The following TRIP12 variants were observed in gnomAD, a reference collection of about 807,000 sequenced individuals.
TRIP12 encodes E3 ubiquitin-protein ligase TRIP12.
Under a neutral mutation model 244.2 loss-of-function variants are expected in TRIP12, and 25 were observed. That is an observed-to-expected ratio of 0.10 (90% CI 0.07 to 0.14). TRIP12 has a LOEUF of 0.14. Ranked by LOEUF, TRIP12 falls within the 10% of genes least tolerant of loss-of-function variation. The pLI, the probability that TRIP12 is intolerant of heterozygous loss-of-function variation, is 1.00. For synonymous variants in TRIP12, 905 were observed against 873.1 expected (o/e 1.04, Z -0.64); for missense variants, 1,677 against 2,486.4 (o/e 0.67, Z 6.92).
chr2:229,797,775 A>G lies in TRIP12; in HGVS notation c.3539T>C (p.Phe1180Ser). Residue 1180 changes from phenylalanine (F) to serine (S), a missense_variant, in exon 24 of 42, where the codon TTC becomes TCC. Physicochemically the swap from Phe to Ser is radical, Grantham distance 155. Coordinates refer to ENST00000675903, the MANE Select transcript of TRIP12 (RefSeq NM_001348323.3). Reference sequence around the variant, plus strand: ...GCTTCCATCCATATTCTCAGAACTGAAATAACGTTCTACAAATTTATGTGC... The same window carrying G: ...GCTTCCATCCATATTCTCAGAACTGGAATAACGTTCTACAAATTTATGTGC... ...EQAHKFVERY[F>S]SSENMDGSNP... 6.2e-7 allele frequency: 1 copy of G among 1,614,026 alleles called. No homozygotes were observed. The highest frequency in any genetic ancestry group is 8.5e-7 in the Non-Finnish European group (1 of 1,179,930).
At chr2:229,822,032 T>G (rs998789801) in intron 8 of TRIP12, among the ~76,000 whole-genome samples, 1 of 151,960 alleles carries the variant, frequency 6.6e-6, no homozygotes, top group Non-Finnish European at 1.5e-5. Flanking sequence ...CCCAGATACG[T>G]GGGAGGCTGA....
chr2:229,883,938 A>G (rs1372266971), intron 1 of TRIP12, among the ~76,000 whole-genome samples: 1 of 152,102 alleles, frequency 6.6e-6, no homozygotes, highest in Non-Finnish European at 1.5e-5. Flanking sequence ...GTGAAACTCC[A>G]TTTGTACTAT....
intron 1 of TRIP12, among the ~76,000 whole-genome samples, chr2:229,885,192 T>C (rs1250744154): frequency 6.6e-6 from 1 of 152,232 alleles, no homozygotes; most frequent in African/African-American, 2.4e-5. Context: ...CATGTTGCTA[T>C]GTTTGCAACA....
intron 26 of TRIP12, 92 bp downstream of exon 26, chr2:229,795,087 T>C: frequency 6.9e-7 from 1 of 1,458,364 alleles, no homozygotes; most frequent in Non-Finnish European, 9.2e-7. Flanking sequence ...TCTGGGCCAA[T>C]CAAGACTTTA....
chr2:229,820,281 G>C (rs1310419140), intron 8 of TRIP12, among the ~76,000 whole-genome samples: 1 of 151,808 alleles, frequency 6.6e-6, no homozygotes, highest in Non-Finnish European at 1.5e-5. Context: ...TAAGGACATG[G>C]ATCTTATACA....
intron 1 of TRIP12, among the ~76,000 whole-genome samples, chr2:229,901,468 CA>C (rs1267123897): frequency 6.6e-6 from 1 of 151,304 alleles, no homozygotes; most frequent in African/African-American, 2.4e-5. Flanking sequence ...ACTAAAAACA[CA>C]AAAATTAGCC....
chr2:229,791,319 C>A, intron 29 of TRIP12, 68 bp from the exon 30 acceptor site: 1 of 1,512,030 alleles, frequency 6.6e-7, no homozygotes, highest in Non-Finnish European at 9.1e-7. Context: ...AAAATCTAAG[C>A]CACAGACACC....
chr2:229,846,533 T>G (rs1043675329), intron 4 of TRIP12, among the ~76,000 whole-genome samples: 1 of 152,206 alleles, frequency 6.6e-6, no homozygotes, highest in Non-Finnish European at 1.5e-5. Context: ...AACTTTTATG[T>G]GCACTGGGAA....
chr2:229,858,985 T>C lies in TRIP12; in HGVS notation c.814A>G (p.Lys272Glu). ...ARVKQGKDQN[K>E]ARRSRSASSP... ...GACGCTGAACGGGAACGCCTGGCCTTGTTCTGATCTTTTCCTTGTTTCACT... is the reference window on the plus strand; with the variant it reads ...GACGCTGAACGGGAACGCCTGGCCTCGTTCTGATCTTTTCCTTGTTTCACT... The change falls in exon 4 of 42, where the codon AAG (lysine) becomes GAG (glutamate). Residue 272 changes from lysine (K) to glutamate (E), a missense_variant. Coordinates refer to ENST00000675903, the MANE Select transcript of TRIP12 (RefSeq NM_001348323.3). The C allele has an allele frequency of 6.2e-7, 1 of 1,614,192 alleles. No individual in the cohort carries two copies. Among genetic ancestry groups the C allele is most frequent in the Non-Finnish European group, 8.5e-7 (1 of 1,180,028 alleles).
At chr2:229,787,257 G>T (rs1201743805) in intron 33 of TRIP12, among the ~76,000 whole-genome samples, 1 of 152,066 alleles carries the variant, frequency 6.6e-6, no homozygotes, top group East Asian at 1.9e-4. Flanking sequence ...AAGAGTTACG[G>T]CAACTAAAAG....
At chr2:229,908,729 T>C (rs2154375524) in intron 1 of TRIP12, among the ~76,000 whole-genome samples, 1 of 145,514 alleles carries the variant, frequency 6.9e-6, no homozygotes, top group African/African-American at 2.6e-5. Flanking sequence ...GGAGACTCCG[T>C]CTCAAAAAAA....
chr2:229,864,848 A>C (rs1490099939), intron 2 of TRIP12, among the ~76,000 whole-genome samples: 1 of 152,206 alleles, frequency 6.6e-6, no homozygotes, highest in South Asian at 2.1e-4. Context: ...TGGGTTATGA[A>C]GCCTCAAATG....
chr2:229,774,033 G>A (rs2035437527), intron 38 of TRIP12, 64 bp downstream of exon 38: 1 of 1,543,794 alleles, frequency 6.5e-7, no homozygotes, highest in Non-Finnish European at 8.8e-7. Context: ...CAGAAGCAAG[G>A]TACAATCAGG....
At chr2:229,769,510 T>A (rs974590318) in intron 39 of TRIP12, among the ~76,000 whole-genome samples, 185 bp from the exon 40 acceptor site, 2 of 151,848 alleles carry the variant, frequency 1.3e-5, no homozygotes, top group African/African-American at 4.8e-5. Context: ...TTCCATTTCC[T>A]TTTTAGCTGT....
chr2:229,818,298 C>G (rs1398232703), intron 9 of TRIP12, 66 bp downstream of exon 9: 1 of 1,492,246 alleles, frequency 6.7e-7, no homozygotes, highest in African/African-American at 1.4e-5. Flanking sequence ...ATCATACATT[C>G]AGTACAAAAT....
chr2:229,798,819 T>G, intron 23 of TRIP12, 56 bp downstream of exon 23: 1 of 1,577,826 alleles, frequency 6.3e-7, no homozygotes, highest in Non-Finnish European at 8.7e-7. Context: ...GCTGAAATAA[T>G]GTTTAAGTTT....
Position 229,844,698 on chromosome 2 carries a change from G to A in TRIP12, c.1028-3771C>T, listed in dbSNP as rs1238106712. Among the ~76,000 whole-genome samples, 3 of 151,966 alleles carry A rather than the reference G, an allele frequency of 2.0e-5. No individual in the cohort carries two copies. The East Asian group carries it at 5.8e-4, about 29-fold the overall frequency. ...ATTTGATAAGACTCTATAAAAATCG[G>A]GCAGGGACGAAGAGGTGAGGGAAGT... On this transcript the variant is annotated intron_variant, in intron 4 of 41. Coordinates refer to ENST00000675903, the MANE Select transcript of TRIP12 (RefSeq NM_001348323.3).
intron 34 of TRIP12, among the ~76,000 whole-genome samples, chr2:229,781,290 C>T (rs2038077477): frequency 6.6e-6 from 1 of 152,108 alleles, no homozygotes; most frequent in Non-Finnish European, 1.5e-5. Context: ...AGCATAAAAC[C>T]CCAGAAACAG....
intron 8 of TRIP12, among the ~76,000 whole-genome samples, chr2:229,828,342 G>GTT (rs142458584): frequency 4.4e-5 from 6 of 136,924 alleles, no homozygotes; most frequent in African/African-American, 1.1e-4. Context: ...ACAGTGATTT[G>GTT]TTTTTTTTTT....
Sources: gnomAD v4.1 joint callset for allele counts (sites outside exome capture counted in the v4.1 genomes callset) on GRCh38, gnomAD v4.1.1 for gene constraint, MANE v1.5 for transcripts, NCBI Gene and HGNC (gene_info 2026-07-23, HGNC 2026-07-21) for gene names.